The following MCC variants were observed in gnomAD, a reference collection of about 807,000 sequenced individuals.
The protein encoded by MCC is colorectal mutant cancer protein.
In MCC, 90 loss-of-function variants were observed where a neutral mutation model predicts 116.2. The observed-to-expected ratio is 0.77, with a 90% CI of 0.65 to 0.92. MCC has a LOEUF of 0.92. Among genes scored for constraint, MCC ranks in the 40% least tolerant of loss-of-function variants. The probability of loss-of-function intolerance (pLI) is 0.00; values close to 1 mark genes in which losing one functional copy is unlikely to be tolerated. For missense variants in MCC, 1,516 were observed against 1,312.2 expected (o/e 1.16, Z -2.40); for synonymous variants, 578 against 510.5 (o/e 1.13, Z -1.78).
At chr5:113,233,727 G>C (rs1053446459) in intron 3 of MCC, among the ~76,000 whole-genome samples, 1 of 152,172 alleles carries the variant, frequency 6.6e-6, no homozygotes, top group East Asian at 1.9e-4. Context: ...ATTTCCTTGA[G>C]AATTAGATTC....
intron 3 of MCC, among the ~76,000 whole-genome samples, chr5:113,275,287 C>G (rs943095391): frequency 2.0e-5 from 3 of 152,128 alleles, no homozygotes; most frequent in Non-Finnish European, 4.4e-5. Context: ...AAATGTTGCT[C>G]TAGATTAGCA....
At chr5:113,075,542 G>A (rs1754381443) in intron 11 of MCC, among the ~76,000 whole-genome samples, 2 of 152,226 alleles carry the variant, frequency 1.3e-5, no homozygotes, top group African/African-American at 2.4e-5. Context: ...TCTAGCTGGA[G>A]GATTGTAATT....
At chr5:113,104,119 A>C in intron 7 of MCC, 73 bp downstream of exon 7, 1 of 1,398,418 alleles carries the variant, frequency 7.2e-7, no homozygotes, top group South Asian at 1.4e-5. Flanking sequence ...AGAAAACTGC[A>C]CTTCAAGAGA....
intron 3 of MCC, among the ~76,000 whole-genome samples, chr5:113,164,232 T>TA (rs1760653292): frequency 6.6e-6 from 1 of 152,212 alleles, no homozygotes; most frequent in South Asian, 2.1e-4. Flanking sequence ...GTCTATGTGC[T>TA]AAAAAGCTCG....
chr5:113,124,694 C>G (rs1757942644), intron 5 of MCC, among the ~76,000 whole-genome samples: 1 of 152,214 alleles, frequency 6.6e-6, no homozygotes, highest in African/African-American at 2.4e-5. Context: ...ACATTCCCTA[C>G]TGAGGTCAGA....
intron 3 of MCC, among the ~76,000 whole-genome samples, chr5:113,276,349 A>G (rs1028879081): frequency 2.6e-5 from 4 of 152,146 alleles, no homozygotes; most frequent in African/African-American, 9.7e-5. Flanking sequence ...TCTTTGGATT[A>G]TTTTACAAAG....
Position 113,027,382 on chromosome 5 carries a change from G to C in MCC, c.2980C>G (p.Gln994Glu). 6.2e-7 allele frequency: 1 copy of C among 1,614,132 alleles called. No individual in the cohort carries two copies. The highest frequency in any genetic ancestry group is 1.3e-5 in the African/African-American group (1 of 75,026). ...ATTCTTTGCTTGAGCATCCTCACTT[G>C]GGTCTCATGTCTCTCCACCATGGCC... ...MMAMVERHET[Q>E]VRMLKQRIAL... Residue 994 changes from glutamine (Q) to glutamate (E), a missense_variant, in exon 19 of 19, where the codon CAA becomes GAA. Transcript: ENST00000408903.
rs568173850 is a variant in MCC at position 113,045,238 on chromosome 5, C to T, written c.2656-1608G>A. ...CTTGGCAGTATCTGGTGCACACAGA[C>T]GAGAATTTCAAAACCTAACGCAACT... On this transcript the variant is annotated intron_variant, in intron 16 of 18. Coordinates refer to ENST00000408903, the MANE Select transcript of MCC (RefSeq NM_001085377.2). Among the ~76,000 whole-genome samples the T allele has an allele frequency of 7.2e-5, 11 of 152,242 alleles. No homozygotes were observed. The East Asian group carries it at 1.4e-3, about 19-fold the overall frequency.
At chr5:113,055,272 C>T (rs550827989) in intron 14 of MCC, among the ~76,000 whole-genome samples, 16 of 152,182 alleles carry the variant, frequency 1.1e-4, no homozygotes, top group South Asian at 4.2e-4. Flanking sequence ...CCAGGGGCCA[C>T]GAGTGATCTC....
intron 10 of MCC, among the ~76,000 whole-genome samples, chr5:113,083,616 G>T (rs561834069): frequency 1.3e-5 from 2 of 152,212 alleles, no homozygotes; most frequent in South Asian, 2.1e-4. Flanking sequence ...CAGTCCCAGG[G>T]GGTTTCCAGA....
At chr5:113,102,379 T>G (rs1175517856) in intron 7 of MCC, among the ~76,000 whole-genome samples, 2 of 152,254 alleles carry the variant, frequency 1.3e-5, no homozygotes, top group African/African-American at 4.8e-5. Context: ...TGAAGTTTCC[T>G]AAATTATAGG....
chr5:113,072,365 G>C (rs1754099900), intron 11 of MCC, among the ~76,000 whole-genome samples: 1 of 152,206 alleles, frequency 6.6e-6, no homozygotes, highest in South Asian at 2.1e-4. Flanking sequence ...GGTGCCACAA[G>C]AATGCTTTTC....
At chr5:113,294,727 C>T (rs1240922513) in intron 3 of MCC, 1 of 1,001,946 alleles carries the variant, frequency 1.0e-6, no homozygotes, top group Non-Finnish European at 1.2e-6. Flanking sequence ...GCCACTCCTA[C>T]GGTGCCTCGC....
chr5:113,070,646 C>A (rs774180860), intron 12 of MCC, among the ~76,000 whole-genome samples: 6 of 152,162 alleles, frequency 3.9e-5, no homozygotes, highest in Non-Finnish European at 7.4e-5. Context: ...GTCTAAATGT[C>A]TTTTAGAAAA....
chr5:113,101,995 G>C (rs754087549), intron 7 of MCC, 50 bp from the exon 8 acceptor site: 1 of 1,578,372 alleles, frequency 6.3e-7, no homozygotes, highest in Admixed American at 1.7e-5. Flanking sequence ...CTTGGAGAAA[G>C]GGGATAGGAA....
chr5:113,092,139 C>T (rs1220605922), intron 8 of MCC, among the ~76,000 whole-genome samples: 5 of 152,106 alleles, frequency 3.3e-5, no homozygotes, highest in African/African-American at 7.2e-5. Context: ...GGCATCCACG[C>T]CCTAAACCCC....
intron 2 of MCC, among the ~76,000 whole-genome samples, chr5:113,376,729 G>A (rs962861493): frequency 6.6e-6 from 1 of 152,108 alleles, no homozygotes; most frequent in Non-Finnish European, 1.5e-5. Context: ...GCACTCATTC[G>A]CCTTTCTGGT....
chr5:113,192,662 A>G (rs994826343), intron 3 of MCC, among the ~76,000 whole-genome samples: 8 of 152,212 alleles, frequency 5.3e-5, no homozygotes, highest in African/African-American at 7.2e-5. Context: ...CTCCTTTTCC[A>G]TAAGTTTGTA....
chr5:113,256,773 T>C (rs972486969), intron 3 of MCC, among the ~76,000 whole-genome samples: 2 of 152,194 alleles, frequency 1.3e-5, no homozygotes, highest in Non-Finnish European at 2.9e-5. Context: ...ATACTTGGCA[T>C]AGCCTCAAAT....
Sources: allele counts gnomAD v4.1 joint callset (sites outside exome capture counted in the v4.1 genomes callset), GRCh38; gene constraint gnomAD v4.1.1; transcripts MANE v1.5; gene names NCBI Gene and HGNC (gene_info 2026-07-23, HGNC 2026-07-21).